GTF3C2: variants seen among roughly 807,000 people sequenced by gnomAD.
The protein encoded by GTF3C2 is general transcription factor 3C polypeptide 2.
Under a neutral mutation model 117.4 loss-of-function variants are expected in GTF3C2, and 17 were observed. The observed-to-expected ratio is 0.14, with a 90% confidence interval of 0.10 to 0.22. The LOEUF is 0.22. Ranked by LOEUF, GTF3C2 falls within the 10% of genes least tolerant of loss-of-function variation. The pLI is 1.00. For synonymous variants in GTF3C2, 437 were observed against 427.0 expected (o/e 1.02, Z -0.29); for missense variants, 888 against 1,143.6 (o/e 0.78, Z 3.22).
Position 27,329,596 on chromosome 2 carries a change from CTCCTAG to C in GTF3C2, c.1733-79_1733-74del. ...CCTTGCTCTAATTTCTTTCTCTGGGCTCCTAGGACCTTTGTCTTCTACCCTCAGATC... is the reference window on the plus strand; with the variant it reads ...CCTTGCTCTAATTTCTTTCTCTGGGCGACCTTTGTCTTCTACCCTCAGATC... On this transcript the variant is annotated intron_variant, in intron 12 of 18. Coordinates refer to ENST00000264720, the Ensembl canonical transcript of GTF3C2. The surrounding 1 kb of genome is among the most constrained non-coding windows in gnomAD (Gnocchi z 4.5). 6.9e-7 allele frequency: 1 copy of C among 1,441,760 alleles called. No homozygotes were observed. Among genetic ancestry groups the C allele is most frequent in the Admixed American group, 1.8e-5 (1 of 54,588 alleles). The allele number at this position is 1,441,760 out of a possible 1,614,324, so 89.3% of individuals were successfully genotyped here. A position where few individuals can be genotyped will look rare whatever the true frequency, so the allele number is the denominator to read the frequency against.
chr2:27,351,177 T>C (rs1231340528), intron 1 of GTF3C2, among the ~76,000 whole-genome samples: 1 of 152,056 alleles, frequency 6.6e-6, no homozygotes, highest in Admixed American at 6.6e-5. Context: ...TCTGGGAGGC[T>C]GAAGAGGGCG....
chr2:27,353,943 C>A (rs1681231348), intron 1 of GTF3C2, among the ~76,000 whole-genome samples: 1 of 151,224 alleles, frequency 6.6e-6, no homozygotes, highest in South Asian at 2.1e-4. Flanking sequence ...AGACTGGTCT[C>A]AAATTCCTGG....
At chr2:27,355,338 T>C (rs1347653170) in intron 1 of GTF3C2, among the ~76,000 whole-genome samples, 1 of 151,982 alleles carries the variant, frequency 6.6e-6, no homozygotes, top group Non-Finnish European at 1.5e-5. Flanking sequence ...CTGACCAACA[T>C]GGTAAAACCC....
intron 7 of GTF3C2, among the ~76,000 whole-genome samples, chr2:27,337,010 T>C (rs1055417166): frequency 2.0e-5 from 3 of 152,202 alleles, no homozygotes; most frequent in African/African-American, 7.2e-5. Context: ...TCTGAGTAGA[T>C]GTAACCTTGT....
chr2:27,328,840 T>C lies in GTF3C2; in HGVS notation c.2127+4A>G. The C allele has an allele frequency of 6.2e-7, 1 of 1,605,760 alleles. No homozygotes were observed. The highest frequency in any genetic ancestry group is 8.5e-7 in the Non-Finnish European group (1 of 1,172,474). ...TGAAGACTGCAAAAGAAAGGGGGGC[T>C]CACCCAAACGGTGCCTTTTCGAGGA... On this transcript the variant is annotated splice_donor_region_variant and intron_variant, in intron 15 of 18. Transcript: ENST00000264720.
intron 12 of GTF3C2, 78 bp downstream of exon 12, chr2:27,333,577 A>C (rs1165453231): frequency 4.0e-6 from 4 of 990,018 alleles, no homozygotes; most frequent in Non-Finnish European, 6.2e-6. Flanking sequence ...TGAACCACCA[A>C]AGAAAGAACC....
At chr2:27,335,201 T>C (rs552110250) in intron 10 of GTF3C2, 5 of 471,150 alleles carry the variant, frequency 1.1e-5, no homozygotes, top group African/African-American at 6.0e-5. Flanking sequence ...GAACAAGAGA[T>C]TGTGTTTGTG....
In GTF3C2 at chr2:27,328,949, A is replaced by C. The variant is rs1680186781; in HGVS notation, c.2040-18T>G. 3 of 1,549,768 alleles carry C rather than the reference A, an allele frequency of 1.9e-6. No homozygotes were observed. The highest frequency in any genetic ancestry group is 2.7e-6 in the Non-Finnish European group (3 of 1,124,494). On this transcript the variant is annotated intron_variant, in intron 14 of 18. Transcript: ENST00000264720. ...GTCCATAACTGTTAAAAGAGAAATA[A>C]ATTTAAACCTTCCTTTTCTTTAGAT...
chr2:27,351,860 A>C (rs1221286446), intron 1 of GTF3C2, among the ~76,000 whole-genome samples: 1 of 152,128 alleles, frequency 6.6e-6, no homozygotes, highest in East Asian at 1.9e-4. Flanking sequence ...CTTGCAGACC[A>C]ACAGTCCCAC....
At chr2:27,343,545 A>G in exon 2 of GTF3C2, 1 of 1,613,858 alleles carries the variant, frequency 6.2e-7, no homozygotes, top group Middle Eastern at 1.6e-4. Flanking sequence ...CCGACCCCGC[A>G]GGTATCCATC....
intron 1 of GTF3C2, 160 bp from the exon 2 acceptor site, chr2:27,343,738 G>A: frequency 6.6e-6 from 4 of 605,672 alleles, no homozygotes; most frequent in Middle Eastern, 4.5e-4. Context: ...CTATATGTCA[G>A]GACTGTTCTG....
intron 18 of GTF3C2, 102 bp downstream of exon 18, chr2:27,327,075 G>C (rs1490506235): frequency 2.8e-6 from 2 of 702,966 alleles, no homozygotes; most frequent in East Asian, 2.6e-5. Flanking sequence ...TGGAGGAGGA[G>C]GAGGTTGTCA....
intron 1 of GTF3C2, among the ~76,000 whole-genome samples, chr2:27,355,706 A>G (rs1681348007): frequency 6.6e-6 from 1 of 152,158 alleles, no homozygotes; most frequent in African/African-American, 2.4e-5. Flanking sequence ...CCCAGCCAAG[A>G]AAAAATAATG....
At chr2:27,338,841 T>C (rs1680605721) in intron 4 of GTF3C2, among the ~76,000 whole-genome samples, 1 of 150,564 alleles carries the variant, frequency 6.6e-6, no homozygotes, top group South Asian at 2.1e-4. Flanking sequence ...CCTGGCCTTC[T>C]TTAAAATTTA....
chr2:27,342,075 G>C (rs141109517), exon 4 of GTF3C2: 2 of 1,614,106 alleles, frequency 1.2e-6, no homozygotes, highest in Non-Finnish European at 1.7e-6. Flanking sequence ...TTCATCCCGT[G>C]GAGCACCATC....
intron 3 of GTF3C2, 177 bp downstream of exon 3, chr2:27,342,649 G>C: frequency 1.7e-6 from 1 of 601,918 alleles, no homozygotes; most frequent in Non-Finnish European, 3.0e-6. Context: ...AACCAAGTTA[G>C]CAATACATAC....
At position 27,329,445 on chromosome 2, in the gene GTF3C2, T is replaced by A. The variant is rs1343658669; in HGVS notation, c.1811A>T (p.Tyr604Phe). ...ATGGGCTAGGAAACACTGGAAGGGG[T>A]AGAGCTTTAAGGAGCCATCAGAGAG... The change falls in exon 13 of 19, where the codon TAC becomes TTC. Residue 604 changes from tyrosine to phenylalanine, a missense_variant. Physicochemically the swap from Tyr to Phe is conservative, Grantham distance 22. Coordinates refer to ENST00000264720, the Ensembl canonical transcript of GTF3C2. This position sits in a 1 kb window ranked among gnomAD's most constrained non-coding sequence, Gnocchi z 4.5. 2 of 1,613,798 alleles carry A rather than the reference T, an allele frequency of 1.2e-6. No homozygotes were observed. The highest frequency in any genetic ancestry group is 2.2e-5 in the East Asian group (1 of 44,868).
exon 2 of GTF3C2, chr2:27,343,441 G>A: frequency 6.2e-7 from 1 of 1,614,102 alleles, no homozygotes; most frequent in Non-Finnish European, 8.5e-7. Context: ...TTTCTGAAGA[G>A]GTCTTGACAT....
intron 17 of GTF3C2, 133 bp from the exon 18 acceptor site, chr2:27,327,417 C>T: frequency 2.1e-6 from 1 of 476,812 alleles, no homozygotes; most frequent in Non-Finnish European, 3.7e-6. Flanking sequence ...CCTGTGCTTC[C>T]CAGGTTCAAG....
Sources: gnomAD v4.1 joint callset for allele counts (sites outside exome capture counted in the v4.1 genomes callset) on GRCh38, gnomAD v4.1.1 for gene constraint, Gnocchi (gnomAD v3.1) non-coding constraint, MANE v1.5 for transcripts, NCBI Gene and HGNC (gene_info 2026-07-23, HGNC 2026-07-21) for gene names.